The following DYNC2LI1 variants were observed in gnomAD, a reference collection of about 807,000 sequenced individuals.
DYNC2LI1 encodes the protein dynein cytoplasmic 2 light intermediate chain 1.
DYNC2LI1 carries 45 observed loss-of-function variants against 51.9 expected under a neutral mutation model. The ratio of observed to expected loss-of-function variants is 0.87; its 90% CI spans 0.68 to 1.11. The LOEUF (loss-of-function observed/expected upper bound fraction) is 1.11. Among genes scored for constraint, DYNC2LI1 ranks in the 50% most tolerant of loss-of-function variants. DYNC2LI1 has a pLI of 0.00. For missense variants in DYNC2LI1, 490 were observed against 417.4 expected (o/e 1.17, Z -1.51); for synonymous variants, 130 against 137.8 (o/e 0.94, Z 0.40).
chr2:43,819,820 A>C, the DYNC2LI1 span: 1 of 1,340,084 alleles, frequency 7.5e-7, no homozygotes. Context: ...CATAACCACT[A>C]TCAGTTCTCT....
intron 4 of DYNC2LI1, 126 bp from the exon 5 acceptor site, chr2:43,789,507 T>A: frequency 1.4e-6 from 1 of 728,608 alleles, no homozygotes; most frequent in African/African-American, 1.8e-5. Flanking sequence ...AAGGAAAAAA[T>A]TTTGACTGCC....
rs149484430 is a variant in DYNC2LI1, at chr2:43,804,118, A to G, written c.803-524A>G. The stretch of plus-strand genomic sequence containing the variant: ...CTATTATTCAGTACCTTTTAATTCA[A>G]TATACCAATATACCTTAGTAGTTTT... On this transcript the variant is annotated intron_variant, in intron 10 of 12. Coordinates refer to ENST00000260605, the MANE Select transcript of DYNC2LI1 (RefSeq NM_016008.4). Among the ~76,000 whole-genome samples, 700 of 152,284 alleles carry G rather than the reference A, an allele frequency of 4.6e-3. 3 individuals are homozygous for G. The highest frequency in any genetic ancestry group is 6.9e-3 in the Non-Finnish European group (466 of 68,006).
At chr2:43,775,555 G>T (rs75779747) in intron 1 of DYNC2LI1, among the ~76,000 whole-genome samples, 2 of 151,622 alleles carry the variant, frequency 1.3e-5, no homozygotes. Context: ...CTGGAGTGCA[G>T]TGATGTCAAC....
chr2:43,813,708 CG>C (rs1666621586), downstream of DYNC2LI1, among the ~76,000 whole-genome samples: 28 of 35,346 alleles, frequency 7.9e-4, no homozygotes, highest in Middle Eastern at 0.019. Flanking sequence ...TTTTTTTTTT[CG>C]TTTTTTTTTT....
chr2:43,824,348 T>A, the DYNC2LI1 span: 1 of 1,614,236 alleles, frequency 6.2e-7, no homozygotes, highest in South Asian at 1.1e-5. Context: ...TGCTGATTTC[T>A]TGTAGGCAGA....
intron 2 of DYNC2LI1, among the ~76,000 whole-genome samples, chr2:43,777,427 C>T (rs779549349): frequency 2.0e-5 from 3 of 152,092 alleles, no homozygotes; most frequent in African/African-American, 4.8e-5. Context: ...TACAGAAAGG[C>T]GTGGAAGTGG....
intron 8 of DYNC2LI1, among the ~76,000 whole-genome samples, chr2:43,798,500 A>T (rs1431068949): frequency 1.3e-5 from 2 of 152,220 alleles, no homozygotes; most frequent in African/African-American, 4.8e-5. Flanking sequence ...AGAGAGGGTC[A>T]CACATTTAAT....
chr2:43,778,314 G>A (rs1305154342), intron 2 of DYNC2LI1, among the ~76,000 whole-genome samples: 3 of 151,898 alleles, frequency 2.0e-5, no homozygotes, highest in Non-Finnish European at 4.4e-5. Flanking sequence ...CACCACACCC[G>A]GCTAATTTTT....
Position 43,800,829 on chromosome 2 carries a change from AT to A in DYNC2LI1, c.655-9del, listed in dbSNP as rs752971070. On this transcript the variant is annotated splice_polypyrimidine_tract_variant and intron_variant, in intron 8 of 12. Transcript: ENST00000260605. Reference sequence around the variant, plus strand: ...ATAGAGCATGTAATTTGTTCTCCTGATTTGTTTAAAGTTTACCAGTAAATCA... The same window carrying A: ...ATAGAGCATGTAATTTGTTCTCCTGATTGTTTAAAGTTTACCAGTAAATCA... 33 of 1,500,608 alleles carry A rather than the reference AT, an allele frequency of 2.2e-5. No homozygotes were observed. Among genetic ancestry groups the A allele is most frequent in the Non-Finnish European group, 2.8e-5 (31 of 1,094,852 alleles). The allele number at this position is 1,500,608 out of a possible 1,614,324, so 93.0% of individuals were successfully genotyped here.
In DYNC2LI1 at chr2:43,805,203, A is replaced by T; in HGVS notation, c.950A>T (p.Tyr317Phe). The change falls in exon 12 of 13, where the codon TAT (tyrosine) becomes TTT (phenylalanine). Residue 317 changes from tyrosine (Y) to phenylalanine (F), a missense_variant. Transcript: ENST00000260605. ...AAGGACCCTGCGAGAGATCCTCAGT[A>T]TGCTGAAAATGAAGTCGATGAGATG... ...DIKDPARDPQ[Y>F]AENEVDEMRI... The T allele has an allele frequency of 6.2e-7, 1 of 1,612,132 alleles. No individual in the cohort carries two copies. The highest frequency in any genetic ancestry group is 8.5e-7 in the Non-Finnish European group (1 of 1,178,416).
At chr2:43,796,548 C>G (rs1244607832) in intron 7 of DYNC2LI1, among the ~76,000 whole-genome samples, 170 bp from the exon 8 acceptor site, 4 of 152,094 alleles carry the variant, frequency 2.6e-5, no homozygotes, top group Non-Finnish European at 5.9e-5. Flanking sequence ...TCTAAGAAGG[C>G]TGCAGCTATT....
intron 12 of DYNC2LI1, among the ~76,000 whole-genome samples, chr2:43,808,958 A>G (rs969422280): frequency 7.7e-6 from 1 of 129,754 alleles, no homozygotes. Flanking sequence ...TCACTGGGAC[A>G]AAGGATACAC....
At chr2:43,823,178 A>G in the DYNC2LI1 span, among the ~76,000 whole-genome samples, 2 of 152,168 alleles carry the variant, frequency 1.3e-5, no homozygotes, top group East Asian at 3.8e-4. Flanking sequence ...TTCTCTCTAA[A>G]GTGGGGAGTT....
the DYNC2LI1 span, among the ~76,000 whole-genome samples, chr2:43,822,104 A>G: frequency 6.6e-6 from 1 of 152,148 alleles, no homozygotes; most frequent in African/African-American, 2.4e-5. Context: ...TCATCATTTA[A>G]GTAACTGCCC....
chr2:43,792,654 C>G, intron 5 of DYNC2LI1: 1 of 1,534,604 alleles, frequency 6.5e-7, no homozygotes, highest in Non-Finnish European at 8.8e-7. Flanking sequence ...TAAACAATAA[C>G]TCCTTGTTTT....
intron 5 of DYNC2LI1, among the ~76,000 whole-genome samples, chr2:43,790,871 A>G (rs1673749942): frequency 6.6e-6 from 1 of 152,018 alleles, no homozygotes; most frequent in South Asian, 2.1e-4. Context: ...TTTAATGGTG[A>G]CAAATAAGTG....
intron 10 of DYNC2LI1, among the ~76,000 whole-genome samples, chr2:43,802,496 G>T (rs532866900): frequency 6.6e-6 from 1 of 152,132 alleles, no homozygotes; most frequent in South Asian, 2.1e-4. Context: ...AGGAATGGAG[G>T]TGATTTTGCT....
chr2:43,795,914 C>G lies in DYNC2LI1; in HGVS notation c.532C>G (p.Pro178Ala), dbSNP rs776504680. The change falls in exon 7 of 13, where the codon CCG (proline) becomes GCG (alanine). Residue 178 changes from proline (P) to alanine (A), a missense_variant. Coordinates refer to ENST00000260605, the MANE Select transcript of DYNC2LI1 (RefSeq NM_016008.4). ...HPDHELIDPF[P>A]VPLVIIGSKY... ...GGATCATGAATTAATTGACCCATTT[C>G]CGGTACCTCTGGTCATAATTGGAAG... is the stretch of plus-strand genomic sequence containing the variant. 6.2e-7 allele frequency: 1 copy of G among 1,613,246 alleles called. No homozygotes were observed. The highest frequency in any genetic ancestry group is 8.5e-7 in the Non-Finnish European group (1 of 1,179,430).
At chr2:43,814,601 GA>G (rs1666698232), downstream of DYNC2LI1, 1 of 1,523,390 alleles carries the variant, frequency 6.6e-7, no homozygotes, top group Admixed American at 1.7e-5. Flanking sequence ...TTAAGAAAAA[GA>G]AAACAAAAAT....
Sources: allele counts gnomAD v4.1 joint callset (sites outside exome capture counted in the v4.1 genomes callset), GRCh38; gene constraint gnomAD v4.1.1; transcripts MANE v1.5; gene names NCBI Gene and HGNC (gene_info 2026-07-23, HGNC 2026-07-21).